CD59: variants seen among roughly 807,000 people sequenced by gnomAD.
The protein encoded by CD59 is CD59 glycoprotein.
In CD59, 3 loss-of-function variants were observed where a neutral mutation model predicts 7.0. The ratio of observed to expected loss-of-function variants is 0.43; its 90% CI spans 0.19 to 1.10. The LOEUF (loss-of-function observed/expected upper bound fraction) is 1.10, where lower values mean the gene tolerates loss of function less well. Among genes scored for constraint, CD59 ranks in the 50% least tolerant of loss-of-function variants. The pLI, the probability that CD59 is intolerant of heterozygous loss-of-function variation, is 0.29. For synonymous variants in CD59, 60 were observed against 62.0 expected (o/e 0.97, Z 0.15); for missense variants, 143 against 151.0 (o/e 0.95, Z 0.28).
chr11:33,721,518 T>C (rs910429083), intron 2 of CD59, among the ~76,000 whole-genome samples: 1 of 152,176 alleles, frequency 6.6e-6, no homozygotes, highest in Non-Finnish European at 1.5e-5. Context: ...ACCATATTTA[T>C]AAAAAACAAA....
chr11:33,720,318 C>T (rs1853999890), intron 2 of CD59, among the ~76,000 whole-genome samples: 1 of 152,176 alleles, frequency 6.6e-6, no homozygotes, highest in African/African-American at 2.4e-5. Context: ...GTTCTAAAAT[C>T]CAAGCTTGGT....
At chr11:33,710,745 A>T (rs1853513103) in intron 3 of CD59, among the ~76,000 whole-genome samples, 1 of 150,590 alleles carries the variant, frequency 6.6e-6, no homozygotes, top group African/African-American at 2.4e-5. Flanking sequence ...TAGAGAGATA[A>T]GGTCTCACTT....
At chr11:33,717,851 G>A (rs540406466) in intron 2 of CD59, 12 of 295,928 alleles carry the variant, frequency 4.1e-5, no homozygotes, top group African/African-American at 2.4e-4. Context: ...TCACATCCTC[G>A]TGGGTTGATG....
rs1854580850 is a variant in CD59 at position 33,736,418 on chromosome 11, G to C, written c.-55C>G. The C allele has an allele frequency of 6.6e-6, 1 of 152,464 alleles. No individual in the cohort carries two copies. Among genetic ancestry groups the C allele is most frequent in the Non-Finnish European group, 1.5e-5 (1 of 68,278 alleles). The allele number at this position is 152,464 out of a possible 1,614,324, so 9.4% of individuals were successfully genotyped here. ...CAAGATCCTCTTCCAGCCTCGAGCC[G>C]CTTCTGCGCTCAGCCCCCGCATTCT... On this transcript the variant is annotated 5_prime_UTR_variant, in exon 1 of 4. Coordinates refer to ENST00000642928, the MANE Select transcript of CD59 (RefSeq NM_000611.6). This position sits in a 1 kb window ranked among gnomAD's most constrained non-coding sequence, Gnocchi z 4.4.
intron 3 of CD59, among the ~76,000 whole-genome samples, chr11:33,714,953 T>G (rs1564971539): frequency 6.7e-6 from 1 of 149,398 alleles, no homozygotes; most frequent in African/African-American, 2.5e-5. Flanking sequence ...TTTTTTTTTT[T>G]CTTTTGTAGA....
Position 33,707,650 on chromosome 11 carries a change from C to G in CD59, c.*2476G>C, listed in dbSNP as rs1331620531. On this transcript the variant is annotated 3_prime_UTR_variant, in exon 4 of 4. Transcript: ENST00000642928. ...AGTAGGCATGACTGGTGTTCGATTC[C>G]TAACTCCCCTGCTCCCTGGTTTCAT... The G allele has an allele frequency of 6.6e-6, 1 of 152,254 alleles. No homozygotes were observed. Among genetic ancestry groups the G allele is most frequent in the Non-Finnish European group, 1.5e-5 (1 of 68,062 alleles). The allele number at this position is 152,254 out of a possible 1,614,324, so 9.4% of individuals were successfully genotyped here.
At chr11:33,726,338 A>G (rs997665630) in intron 1 of CD59, among the ~76,000 whole-genome samples, 2 of 152,162 alleles carry the variant, frequency 1.3e-5, no homozygotes, top group Non-Finnish European at 2.9e-5. Context: ...GTCTCTCAGA[A>G]CACAGTGCAA....
At chr11:33,723,050 T>C (rs1854141688) in intron 1 of CD59, 1 of 764,724 alleles carries the variant, frequency 1.3e-6, no homozygotes, top group South Asian at 5.6e-5. Flanking sequence ...AGTGATAGCA[T>C]CAGGTGAGAA....
chr11:33,729,160 A>C (rs1462992549), intron 1 of CD59, among the ~76,000 whole-genome samples: 2 of 152,250 alleles, frequency 1.3e-5, no homozygotes, highest in Non-Finnish European at 2.9e-5. Flanking sequence ...TACTGGGTAT[A>C]TATCCAAAGG....
intron 1 of CD59, among the ~76,000 whole-genome samples, chr11:33,733,788 C>G (rs1436329417): frequency 1.3e-5 from 2 of 152,146 alleles, no homozygotes; most frequent in African/African-American, 2.4e-5. Context: ...ATTAGTTAAG[C>G]TGAGGTCATT....
chr11:33,711,293 C>A, intron 3 of CD59: 2 of 641,126 alleles, frequency 3.1e-6, no homozygotes, highest in Non-Finnish European at 5.6e-6. Flanking sequence ...ATGGCAAGAC[C>A]CCCTCTCTAT....
intron 1 of CD59, among the ~76,000 whole-genome samples, chr11:33,733,162 AAC>A (rs1854466902): frequency 6.6e-6 from 1 of 152,228 alleles, no homozygotes; most frequent in South Asian, 2.1e-4. Context: ...TGAGCACAGA[AAC>A]AGACTCTCCC....
rs141014213 is a variant in CD59 at position 33,715,966 on chromosome 11, T to C, written c.169+1404A>G. 2.8e-4 allele frequency among the ~76,000 whole-genome samples: 43 copies of C among 152,320 alleles called. No homozygotes were observed. The East Asian group carries it at 7.9e-3, about 28-fold the overall frequency. ...GAAACTATACTTAGTTTAATTATAC[T>C]TAGTAGTGAGGAGTCCAAGAGACAC... On this transcript the variant is annotated intron_variant, in intron 3 of 3. Coordinates refer to ENST00000642928, the MANE Select transcript of CD59 (RefSeq NM_000611.6).
In CD59 at chr11:33,731,214, T is replaced by C. The variant is rs116826937; in HGVS notation, c.-19+5168A>G. 3.5e-3 allele frequency among the ~76,000 whole-genome samples: 526 copies of C among 151,996 alleles called. 5 individuals carry two copies. Among genetic ancestry groups the C allele is most frequent in the African/African-American group, 0.012 (505 of 41,396 alleles). On this transcript the variant is annotated intron_variant, in intron 1 of 3. Transcript: ENST00000642928. ...GGTGGTCAGTGTCCCTAACCCTGCATTGTTTTAGGGTCAACTGTATATAAA... is the reference window on the plus strand; with the variant it reads ...GGTGGTCAGTGTCCCTAACCCTGCACTGTTTTAGGGTCAACTGTATATAAA...
intron 1 of CD59, among the ~76,000 whole-genome samples, chr11:33,723,277 C>T (rs1024334787): frequency 6.6e-6 from 1 of 152,112 alleles, no homozygotes; most frequent in African/African-American, 2.4e-5. Context: ...CCCACAGGCC[C>T]GGACAGACAG....
intron 3 of CD59, among the ~76,000 whole-genome samples, chr11:33,711,206 C>T (rs914026985): frequency 1.3e-5 from 2 of 152,114 alleles, no homozygotes; most frequent in African/African-American, 2.4e-5. Context: ...GTGGCTCACA[C>T]CTGTAATCCC....
Position 33,710,149 on chromosome 11 carries a change from CT to C in CD59, c.363del (p.Ala122GlnfsTer32), listed in dbSNP as rs763058880. On this transcript the variant is annotated frameshift_variant, in exon 4 of 4. Coordinates refer to ENST00000642928, the MANE Select transcript of CD59 (RefSeq NM_000611.6). LOFTEE classifies it high-confidence loss of function. ...ACTTAGGGATGAAGGCTCCAGGCTG[CT>C]GCCAGAAATGGAGTCACCAGCAGAA... ...TVLLLVTPFL[A>X]AAWSLHP The C allele has an allele frequency of 1.2e-6, 2 of 1,613,472 alleles. No homozygotes were observed. The highest frequency in any genetic ancestry group is 1.7e-6 in the Non-Finnish European group (2 of 1,179,660).
intron 1 of CD59, among the ~76,000 whole-genome samples, chr11:33,726,606 C>A (rs1035111302): frequency 4.6e-5 from 7 of 152,082 alleles, no homozygotes; most frequent in African/African-American, 1.7e-4. Context: ...CCTAACATCA[C>A]AATTAAAAGA....
At chr11:33,722,253 G>C in intron 2 of CD59, 126 bp downstream of exon 2, 1 of 749,422 alleles carries the variant, frequency 1.3e-6, no homozygotes, top group Non-Finnish European at 2.4e-6. Context: ...CCCCAGACCT[G>C]TAACACTGGA....
Sources: gnomAD v4.1 joint callset for allele counts (sites outside exome capture counted in the v4.1 genomes callset) on GRCh38, gnomAD v4.1.1 for gene constraint, Gnocchi (gnomAD v3.1) non-coding constraint, MANE v1.5 for transcripts, NCBI Gene and HGNC (gene_info 2026-07-23, HGNC 2026-07-21) for gene names.